Variants in PDSS2 observed in about 807,000 individuals in gnomAD.
The protein encoded by PDSS2 is decaprenyl diphosphate synthase subunit 2.
A neutral mutation model predicts 44.5 loss-of-function variants in PDSS2; 31 were observed. That is an observed-to-expected ratio of 0.70 (90% CI 0.52 to 0.94). The LOEUF (loss-of-function observed/expected upper bound fraction) is 0.94. Ranked by LOEUF, PDSS2 falls within the 40% of genes least tolerant of loss-of-function variation. The probability of loss-of-function intolerance (pLI) is 0.00; values close to 1 mark genes in which losing one functional copy is unlikely to be tolerated. For synonymous variants in PDSS2, 157 were observed against 180.3 expected, an observed-to-expected ratio of 0.87 and a Z score of 1.03; for missense variants, 452 against 482.2, an observed-to-expected ratio of 0.94 and a Z score of 0.59.
intron 2 of PDSS2, among the ~76,000 whole-genome samples, chr6:107,320,217 G>A (rs1416280837): frequency 6.6e-6 from 1 of 152,142 alleles, no homozygotes; most frequent in Non-Finnish European, 1.5e-5. Context: ...GTGGAAACTT[G>A]TTTTGCGTCG....
intron 6 of PDSS2, among the ~76,000 whole-genome samples, chr6:107,207,899 C>T (rs1361144144): frequency 1.3e-5 from 2 of 151,102 alleles, no homozygotes; most frequent in Non-Finnish European, 2.9e-5. Flanking sequence ...CATGAGCCAC[C>T]ATGTCCAGCC....
At chr6:107,157,315 G>A (rs1339100213) in intron 7 of PDSS2, among the ~76,000 whole-genome samples, 2 of 151,988 alleles carry the variant, frequency 1.3e-5, no homozygotes, top group East Asian at 3.9e-4. Context: ...CACCCGGGTA[G>A]CTGGGAAGAC....
intron 2 of PDSS2, among the ~76,000 whole-genome samples, chr6:107,275,580 C>T (rs1197721610): frequency 6.6e-6 from 1 of 151,986 alleles, no homozygotes; most frequent in African/African-American, 2.4e-5. Context: ...CGTTGCATGA[C>T]CCCAAGCAGA....
intron 7 of PDSS2, among the ~76,000 whole-genome samples, chr6:107,193,222 A>C (rs1772442562): frequency 6.6e-6 from 1 of 152,182 alleles, no homozygotes; most frequent in African/African-American, 2.4e-5. Context: ...AGACATTTTC[A>C]AACCACTCCA....
At chr6:107,330,990 G>A (rs1777693650) in intron 2 of PDSS2, among the ~76,000 whole-genome samples, 1 of 152,076 alleles carries the variant, frequency 6.6e-6, no homozygotes, top group Non-Finnish European at 1.5e-5. Flanking sequence ...CTCCCATTTG[G>A]TCCTTCAGGT....
intron 2 of PDSS2, among the ~76,000 whole-genome samples, chr6:107,310,161 T>C (rs1776989507): frequency 6.6e-6 from 1 of 151,720 alleles, no homozygotes; most frequent in Non-Finnish European, 1.5e-5. Context: ...GGCAGGCGCC[T>C]GTAGTCTCAG....
chr6:107,236,681 A>T (rs1774236850), intron 4 of PDSS2, among the ~76,000 whole-genome samples: 1 of 152,068 alleles, frequency 6.6e-6, no homozygotes, highest in South Asian at 2.1e-4. Flanking sequence ...TCCATTCATC[A>T]TGCTATTTCC....
At chr6:107,312,446 T>C (rs1039406849) in intron 2 of PDSS2, among the ~76,000 whole-genome samples, 4 of 152,194 alleles carry the variant, frequency 2.6e-5, no homozygotes, top group African/African-American at 9.6e-5. Flanking sequence ...GGAGTTAAAC[T>C]TCCTGAGTTC....
chr6:107,402,852 C>T (rs1780191711), intron 1 of PDSS2, among the ~76,000 whole-genome samples: 1 of 151,968 alleles, frequency 6.6e-6, no homozygotes, highest in Admixed American at 6.5e-5. Flanking sequence ...CCACCAGGTC[C>T]CTCCCACATT....
At chr6:107,189,407 G>A (rs563957160) in intron 7 of PDSS2, among the ~76,000 whole-genome samples, 3 of 151,890 alleles carry the variant, frequency 2.0e-5, no homozygotes, top group South Asian at 4.2e-4. Context: ...ACATGACCTT[G>A]GCTCACTGCA....
chr6:107,255,186 C>G (rs1774968097), intron 3 of PDSS2, among the ~76,000 whole-genome samples: 2 of 148,104 alleles, frequency 1.4e-5, no homozygotes, highest in African/African-American at 5.0e-5. Context: ...ATGTAATTTT[C>G]TATTGCATTC....
At chr6:107,369,160 C>T (rs1042589695) in intron 1 of PDSS2, among the ~76,000 whole-genome samples, 1 of 152,196 alleles carries the variant, frequency 6.6e-6, no homozygotes, top group African/African-American at 2.4e-5. Flanking sequence ...TGGCTCACGC[C>T]TGTAATCCTA....
At chr6:107,247,383 G>A (rs1774656875) in intron 3 of PDSS2, among the ~76,000 whole-genome samples, 1 of 152,182 alleles carries the variant, frequency 6.6e-6, no homozygotes, top group Non-Finnish European at 1.5e-5. Flanking sequence ...AGACCAGGCA[G>A]AAGCAACAAG....
intron 7 of PDSS2, among the ~76,000 whole-genome samples, chr6:107,183,724 C>T (rs1772064762): frequency 6.6e-6 from 1 of 151,950 alleles, no homozygotes; most frequent in Non-Finnish European, 1.5e-5. Flanking sequence ...ATGGTGAAAC[C>T]CCGTCTCTAA....
At chr6:107,173,948 G>A (rs1287905917) in intron 7 of PDSS2, among the ~76,000 whole-genome samples, 2 of 152,158 alleles carry the variant, frequency 1.3e-5, no homozygotes, top group Admixed American at 6.6e-5. Context: ...CCACAGTCTT[G>A]GTATCAGCCA....
intron 1 of PDSS2, among the ~76,000 whole-genome samples, chr6:107,344,947 C>T (rs1328206947): frequency 1.3e-5 from 2 of 152,174 alleles, no homozygotes; most frequent in African/African-American, 4.8e-5. Context: ...TATTTAGTCA[C>T]ACTGAAAACT....
chr6:107,322,063 C>T (rs1777397871), intron 2 of PDSS2, among the ~76,000 whole-genome samples: 1 of 152,216 alleles, frequency 6.6e-6, no homozygotes, highest in Non-Finnish European at 1.5e-5. Flanking sequence ...CACTCTTGCA[C>T]ATACCCTTTT....
At chr6:107,210,193 C>T (rs1018513472) in intron 6 of PDSS2, among the ~76,000 whole-genome samples, 2 of 152,136 alleles carry the variant, frequency 1.3e-5, no homozygotes, top group Non-Finnish European at 2.9e-5. Context: ...TTAGCATTCA[C>T]CACAGGCACT....
intron 4 of PDSS2, among the ~76,000 whole-genome samples, chr6:107,238,688 T>C (rs547836770): frequency 6.6e-6 from 1 of 152,296 alleles, no homozygotes; most frequent in East Asian, 1.9e-4. Flanking sequence ...AAAGCAGGTA[T>C]TCAGTATAAA....
Sources: allele counts gnomAD v4.1 joint callset (sites outside exome capture counted in the v4.1 genomes callset), GRCh38; gene constraint gnomAD v4.1.1; transcripts MANE v1.5; gene names NCBI Gene and HGNC (gene_info 2026-07-23, HGNC 2026-07-21).